The following CYP4B1 variants were observed in gnomAD, a reference collection of about 807,000 sequenced individuals.
CYP4B1 encodes the protein cytochrome P450 4B1.
Under a neutral mutation model 54.0 loss-of-function variants are expected in CYP4B1, and 45 were observed. The observed-to-expected ratio is 0.83, with a 90% CI of 0.66 to 1.07. The LOEUF is 1.07. CYP4B1 is among the 50% of genes least tolerant of loss of function. CYP4B1 has a pLI of 0.00. For synonymous variants in CYP4B1, 248 were observed against 247.5 expected, an observed-to-expected ratio of 1.00 and a Z score of -0.02; for missense variants, 656 against 655.4, an observed-to-expected ratio of 1.00 and a Z score of -0.01.
intron 7 of CYP4B1, chr1:46,814,869 A>G: frequency 3.4e-6 from 2 of 587,518 alleles, no homozygotes; most frequent in Non-Finnish European, 6.1e-6. Context: ...TGGCCAGAGC[A>G]TTTAGGGAGG....
chr1:46,799,990 A>G (rs192953880), intron 1 of CYP4B1, among the ~76,000 whole-genome samples: 1 of 152,192 alleles, frequency 6.6e-6, no homozygotes, highest in East Asian at 1.9e-4. Flanking sequence ...CTGGACCTCC[A>G]GTTCCTGGAG....
intron 1 of CYP4B1, among the ~76,000 whole-genome samples, chr1:46,803,833 G>T (rs923011965): frequency 1.2e-4 from 18 of 152,134 alleles, no homozygotes; most frequent in Admixed American, 1.2e-3. Flanking sequence ...TGGAGAAAAC[G>T]ACATTCCATA....
At chr1:46,799,842 G>A (rs1361778577) in intron 1 of CYP4B1, among the ~76,000 whole-genome samples, 1 of 152,208 alleles carries the variant, frequency 6.6e-6, no homozygotes, top group Admixed American at 6.5e-5. Context: ...TCGTCTTCCT[G>A]TTACTCCAGG....
chr1:46,804,663 A>G (rs1312594863), intron 1 of CYP4B1, among the ~76,000 whole-genome samples: 4 of 152,174 alleles, frequency 2.6e-5, no homozygotes, highest in African/African-American at 7.2e-5. Flanking sequence ...GTGGTCCTTC[A>G]GGTCTGCCAG....
At chr1:46,802,021 C>G (rs1678680826) in intron 1 of CYP4B1, among the ~76,000 whole-genome samples, 1 of 152,170 alleles carries the variant, frequency 6.6e-6, no homozygotes, top group Admixed American at 6.5e-5. Flanking sequence ...TGTCATCCTC[C>G]TCAATTCTCA....
At position 46,815,070 on chromosome 1, in the gene CYP4B1, C is replaced by T; in HGVS notation, c.883-4C>T. On this transcript the variant is annotated splice_polypyrimidine_tract_variant and splice_region_variant and intron_variant, in intron 7 of 11. Transcript: ENST00000371923. The stretch of plus-strand genomic sequence containing the variant: ...GCTGTCCTATTATGCCTTCCCTAAC[C>T]CAGGATGAAGATGACATCAAACTGT... 1 of 1,610,204 alleles carries T rather than the reference C, an allele frequency of 6.2e-7. No homozygotes were observed. Among genetic ancestry groups the T allele is most frequent in the South Asian group, 1.1e-5 (1 of 90,874 alleles).
Position 46,814,313 on chromosome 1 carries a change from CG to C in CYP4B1, c.882+1del, listed in dbSNP as rs1557500258. On this transcript the variant is annotated frameshift_variant and splice_region_variant, in exon 7 of 12. Coordinates refer to ENST00000371923, the MANE Select transcript of CYP4B1 (RefSeq NM_001099772.2). LOFTEE classifies it high-confidence loss of function. The stretch of plus-strand genomic sequence containing the variant: ...CTTCCTGGACATTCTCCTGGGTGCC[CG>C]GGTGAGTACATTGTTGCCCACCCCT... The part of the protein sequence containing the change: ...LDFLDILLGA[R>X]DEDDIKLSDA... The C allele has an allele frequency of 6.2e-7, 1 of 1,611,814 alleles. No individual in the cohort carries two copies. Among genetic ancestry groups the C allele is most frequent in the East Asian group, 2.2e-5 (1 of 44,796 alleles).
At position 46,810,232 on chromosome 1, in the gene CYP4B1, T is replaced by C. The variant is rs148016067; in HGVS notation, c.181-576T>C. ...AGGCCCTCCCTGTTAGTGTCTCTCA[T>C]AGCACTGTTTTTATTCTGAGCACTC... On this transcript the variant is annotated intron_variant, in intron 1 of 11. Transcript: ENST00000371923. Among the ~76,000 whole-genome samples the C allele has an allele frequency of 2.1e-3, 319 of 152,344 alleles. 2 individuals carry two copies. The highest frequency in any genetic ancestry group is 7.3e-3 in the African/African-American group (305 of 41,586).
At chr1:46,814,085 C>A (rs758500374) in intron 6 of CYP4B1, 22 bp downstream of exon 6, 2 of 1,613,498 alleles carry the variant, frequency 1.2e-6, no homozygotes, top group Non-Finnish European at 1.7e-6. Flanking sequence ...CCACAAGGCT[C>A]ACCTCTAGGA....
rs545130764 is a variant in CYP4B1, at chr1:46,809,206, A to C, written c.181-1602A>C. ...AAAAACAAAACAAAACAAAACAAAAAAAAGCTCTCATGGGAACTAAGAGAA... is the reference window on the plus strand; with the variant it reads ...AAAAACAAAACAAAACAAAACAAAACAAAGCTCTCATGGGAACTAAGAGAA... On this transcript the variant is annotated intron_variant, in intron 1 of 11. Coordinates refer to ENST00000371923, the MANE Select transcript of CYP4B1 (RefSeq NM_001099772.2). Among the ~76,000 whole-genome samples the C allele has an allele frequency of 3.3e-5, 5 of 151,636 alleles. No individual in the cohort carries two copies. The South Asian group carries it at 8.3e-4, about 25-fold the overall frequency.
Position 46,817,124 on chromosome 1 carries a change from G to A in CYP4B1, c.1150G>A (p.Val384Met). Reference protein sequence around the residue: ...SFRLYPPVPQVYRQLSKPVTF... With the variant: ...SFRLYPPVPQMYRQLSKPVTF... ...CCGCCTCTACCCACCTGTGCCCCAG[G>A]TGTACCGCCAGCTCAGCAAGCCTGT... Residue 384 changes from valine (V) to methionine (M), a missense_variant, in exon 9 of 12, where the codon GTG (valine) becomes ATG (methionine). Transcript: ENST00000371923. 6.2e-7 allele frequency: 1 copy of A among 1,614,198 alleles called. No individual in the cohort carries two copies. The highest frequency in any genetic ancestry group is 1.7e-5 in the Admixed American group (1 of 60,030).
At position 46,819,141 on chromosome 1, in the gene CYP4B1, G is replaced by T; in HGVS notation, c.*327G>T. 1 of 220,962 alleles carries T rather than the reference G, an allele frequency of 4.5e-6. No homozygotes were observed. Among genetic ancestry groups the T allele is most frequent in the South Asian group, 1.1e-4 (1 of 9,034 alleles). 13.7% of individuals were successfully genotyped at this position (220,962 alleles called of 1,614,324 possible). On this transcript the variant is annotated 3_prime_UTR_variant, in exon 12 of 12. Transcript: ENST00000371923. ...CAGAAACTTACATTCCAACCTTAGA[G>T]ACTCATAGTGAGCACAAGGAAAGTT...
intron 1 of CYP4B1, among the ~76,000 whole-genome samples, chr1:46,810,182 C>A (rs1679041236): frequency 6.6e-6 from 1 of 152,234 alleles, no homozygotes; most frequent in African/African-American, 2.4e-5. Context: ...CAACAAGAAG[C>A]CTTCCAAGAT....
Position 46,810,864 on chromosome 1 carries a change from T to C in CYP4B1, c.237T>C (p.Tyr79=), listed in dbSNP as rs770139193. 1 of 1,614,120 alleles carries C rather than the reference T, an allele frequency of 6.2e-7. No homozygotes were observed. Among genetic ancestry groups the C allele is most frequent in the South Asian group, 1.1e-5 (1 of 91,076 alleles). ...TGTCCTGGGCCCACCAGTTCCCGTATGCCCACCCACTCTGGTTCGGACAGT... is the reference window on the plus strand; with the variant it reads ...TGTCCTGGGCCCACCAGTTCCCGTACGCCCACCCACTCTGGTTCGGACAGT... ...KVVSWAHQFP[Y]AHPLWFGQFI... The change falls in exon 2 of 12, where the codon TAT becomes TAC. Residue 79 remains tyrosine (Y), a synonymous_variant. Coordinates refer to ENST00000371923, the MANE Select transcript of CYP4B1 (RefSeq NM_001099772.2).
intron 1 of CYP4B1, among the ~76,000 whole-genome samples, chr1:46,808,717 C>T (rs1297309003): frequency 2.0e-5 from 3 of 151,292 alleles, no homozygotes; most frequent in Non-Finnish European, 4.4e-5. Flanking sequence ...TTGGAACCAA[C>T]CCAAAGGTCC....
intron 4 of CYP4B1, 99 bp from the exon 5 acceptor site, chr1:46,813,383 G>A (rs45560837): frequency 1.4e-6 from 2 of 1,447,346 alleles, no homozygotes; most frequent in East Asian, 2.3e-5. Context: ...GCTTGGTGGT[G>A]GAGGATAGGC....
intron 1 of CYP4B1, among the ~76,000 whole-genome samples, chr1:46,800,191 T>TTC (rs1198704162): frequency 2.3e-5 from 1 of 44,356 alleles, no homozygotes; most frequent in African/African-American, 4.7e-5. Context: ...TTCTCTTTCT[T>TTC]TCTTTCTCTT....
intron 1 of CYP4B1, among the ~76,000 whole-genome samples, chr1:46,801,129 T>C (rs968459439): frequency 2.6e-5 from 4 of 151,994 alleles, no homozygotes; most frequent in Non-Finnish European, 4.4e-5. Context: ...AATGAACCAG[T>C]AGTGAATGTT....
At chr1:46,801,451 A>AC (rs1452363311) in intron 1 of CYP4B1, among the ~76,000 whole-genome samples, 2 of 103,686 alleles carry the variant, frequency 1.9e-5, no homozygotes, top group African/African-American at 7.6e-5. Context: ...CCCCACCCCC[A>AC]CCTTGAGAGT....
Sources: allele counts gnomAD v4.1 joint callset (sites outside exome capture counted in the v4.1 genomes callset), GRCh38; gene constraint gnomAD v4.1.1; transcripts MANE v1.5; gene names NCBI Gene and HGNC (gene_info 2026-07-23, HGNC 2026-07-21).